The following BAZ1B variants were observed in gnomAD, a reference collection of about 807,000 sequenced individuals.
The protein encoded by BAZ1B is bromodomain adjacent to zinc finger domain 1B.
In BAZ1B, 22 loss-of-function variants were observed where a neutral mutation model predicts 153.8. The observed-to-expected ratio is 0.14, with a 90% confidence interval of 0.10 to 0.20. BAZ1B has a LOEUF of 0.20. Among genes scored for constraint, BAZ1B ranks in the 10% least tolerant of loss-of-function variants. The probability of loss-of-function intolerance (pLI) is 1.00; values close to 1 mark genes in which losing one functional copy is unlikely to be tolerated. For missense variants in BAZ1B, 1,325 were observed against 1,799.3 expected (o/e 0.74, Z 4.77); for synonymous variants, 676 against 633.4 (o/e 1.07, Z -1.01).
intron 18 of BAZ1B, 24 bp from the exon 19 acceptor site, chr7:73,442,577 A>C (rs1224136142): frequency 6.3e-7 from 1 of 1,595,452 alleles, no homozygotes; most frequent in Admixed American, 1.7e-5. Flanking sequence ...CCAAATGGAG[A>C]ATCTGCACAG....
Position 73,449,500 on chromosome 7 carries a change from A to G in BAZ1B, c.3728+42T>C, listed in dbSNP as rs782727805. The G allele has an allele frequency of 3.8e-6, 6 of 1,576,182 alleles. No individual in the cohort carries two copies. The African/African-American group carries it at 5.5e-5, about 14-fold the overall frequency. Reference sequence around the variant, plus strand: ...TCAAGCTTAATTATAACAGCTATTCATATTTATTCATTCAATTATTTTTAA... The same window carrying G: ...TCAAGCTTAATTATAACAGCTATTCGTATTTATTCATTCAATTATTTTTAA... On this transcript the variant is annotated intron_variant, in intron 15 of 19. Coordinates refer to ENST00000339594, the MANE Select transcript of BAZ1B (RefSeq NM_032408.4).
chr7:73,512,787 AAC>A (rs1477464694), intron 1 of BAZ1B, among the ~76,000 whole-genome samples: 2 of 152,230 alleles, frequency 1.3e-5, no homozygotes, highest in Non-Finnish European at 2.9e-5. Flanking sequence ...AAAGTATTTA[AAC>A]AGTTTCCTCT....
chr7:73,448,014 G>GGAAGCCC (rs561831064), intron 15 of BAZ1B, among the ~76,000 whole-genome samples: 382 of 152,310 alleles, frequency 2.5e-3, no homozygotes, highest in Non-Finnish European at 3.7e-3. Flanking sequence ...CCCCTTAGAA[G>GGAAGCCC]GAAGCCCAGG....
Position 73,462,918 on chromosome 7 carries a change from C to T in BAZ1B, c.3249+4G>A. ...ATCTAAGGGGGATTTTCTTATATTCCTACCCGGGCTTCAAATTCTGATGTT... is the reference window on the plus strand; with the variant it reads ...ATCTAAGGGGGATTTTCTTATATTCTTACCCGGGCTTCAAATTCTGATGTT... On this transcript the variant is annotated splice_donor_region_variant and intron_variant, in intron 12 of 19. Transcript: ENST00000339594. 1 of 1,613,820 alleles carries T rather than the reference C, an allele frequency of 6.2e-7. No homozygotes were observed. Among genetic ancestry groups the T allele is most frequent in the Non-Finnish European group, 8.5e-7 (1 of 1,179,808 alleles).
intron 5 of BAZ1B, among the ~76,000 whole-genome samples, chr7:73,490,674 C>G (rs1789602123): frequency 6.6e-6 from 1 of 151,030 alleles, no homozygotes; most frequent in African/African-American, 2.4e-5. Flanking sequence ...GGCGCAATCT[C>G]TGCTCACTGC....
intron 4 of BAZ1B, among the ~76,000 whole-genome samples, chr7:73,494,799 G>A (rs1789809345): frequency 6.6e-6 from 1 of 152,196 alleles, no homozygotes. Context: ...GAAGGAAAGA[G>A]AGTCAAAATT....
intron 1 of BAZ1B, among the ~76,000 whole-genome samples, chr7:73,512,442 C>G (rs562923878): frequency 6.6e-6 from 1 of 152,104 alleles, no homozygotes; most frequent in Non-Finnish European, 1.5e-5. Flanking sequence ...AGAAGTATTC[C>G]GGAAAGTACT....
chr7:73,480,009 A>C (rs528677334), intron 6 of BAZ1B, among the ~76,000 whole-genome samples: 2 of 152,128 alleles, frequency 1.3e-5, no homozygotes, highest in South Asian at 4.2e-4. Flanking sequence ...CTCTACTAAA[A>C]ATCAAAAAAA....
intron 19 of BAZ1B, 40 bp downstream of exon 19, chr7:73,442,141 C>G: frequency 3.9e-5 from 14 of 361,348 alleles, no homozygotes; most frequent in East Asian, 6.9e-5. Context: ...TCGCCTCCCT[C>G]CCACCCTCCC....
At chr7:73,509,218 A>C (rs1790475331) in intron 2 of BAZ1B, among the ~76,000 whole-genome samples, 1 of 152,010 alleles carries the variant, frequency 6.6e-6, no homozygotes, top group Admixed American at 6.6e-5. Flanking sequence ...GCTACTCGGG[A>C]GGCTGAGGCA....
chr7:73,515,460 T>C (rs924793104), intron 1 of BAZ1B, among the ~76,000 whole-genome samples: 3 of 152,064 alleles, frequency 2.0e-5, no homozygotes, highest in Non-Finnish European at 4.4e-5. Flanking sequence ...CTTCTAGCTC[T>C]TTCTTTGTGC....
chr7:73,487,320 T>C (rs1247065965), intron 6 of BAZ1B, among the ~76,000 whole-genome samples: 15 of 152,146 alleles, frequency 9.9e-5, no homozygotes, highest in Non-Finnish European at 2.9e-5. Context: ...CCCCAGCTAC[T>C]AGTGAGACAC....
chr7:73,460,192 GAAAAAAAAAAAA>G (rs782211272), intron 12 of BAZ1B, among the ~76,000 whole-genome samples: 21 of 73,872 alleles, frequency 2.8e-4, no homozygotes, highest in East Asian at 4.3e-4. Flanking sequence ...CCGTCTCAGG[GAAAAAAAAAAAA>G]AAAAAAAAAA....
chr7:73,470,736 T>G (rs1788770656), intron 7 of BAZ1B, among the ~76,000 whole-genome samples: 2 of 152,226 alleles, frequency 1.3e-5, no homozygotes, highest in South Asian at 4.1e-4. Flanking sequence ...AAATATCACT[T>G]CTTTTTGTTT....
At chr7:73,447,123 G>A in intron 16 of BAZ1B, 141 bp downstream of exon 16, 1 of 1,479,240 alleles carries the variant, frequency 6.8e-7, no homozygotes, top group East Asian at 2.3e-5. Context: ...ACCCATGGCA[G>A]CTAAGTTACG....
At chr7:73,499,877 T>G (rs2116415683) in intron 3 of BAZ1B, among the ~76,000 whole-genome samples, 1 of 152,356 alleles carries the variant, frequency 6.6e-6, no homozygotes, top group Admixed American at 6.5e-5. Flanking sequence ...TAACATGGCA[T>G]GTATTTTTCC....
intron 13 of BAZ1B, among the ~76,000 whole-genome samples, chr7:73,451,374 C>G (rs1554568180): frequency 1.3e-5 from 2 of 152,212 alleles, no homozygotes; most frequent in Non-Finnish European, 1.5e-5. Flanking sequence ...AATACCACAG[C>G]TGGATTTCAA....
chr7:73,458,483 C>G (rs1788277765), intron 13 of BAZ1B, among the ~76,000 whole-genome samples: 1 of 151,952 alleles, frequency 6.6e-6, no homozygotes, highest in African/African-American at 2.4e-5. Context: ...CGAGACCAAC[C>G]TAGCCAACAT....
intron 1 of BAZ1B, among the ~76,000 whole-genome samples, chr7:73,518,650 C>CTACCACCTCGTCTGTGA (rs1563408676): frequency 6.6e-6 from 1 of 152,060 alleles, no homozygotes; most frequent in Admixed American, 6.6e-5. Flanking sequence ...CTTCCCTGTG[C>CTACCACCTCGTCTGTGA]TACCACCTCG....
Sources: gnomAD v4.1 joint callset for allele counts (sites outside exome capture counted in the v4.1 genomes callset) on GRCh38, gnomAD v4.1.1 for gene constraint, MANE v1.5 for transcripts, NCBI Gene and HGNC (gene_info 2026-07-23, HGNC 2026-07-21) for gene names.